The following TMEM132B variants were observed in gnomAD, a reference collection of about 807,000 sequenced individuals.
TMEM132B encodes the protein transmembrane protein 132B.
Under a neutral mutation model 90.8 loss-of-function variants are expected in TMEM132B, and 18 were observed. The observed-to-expected ratio is 0.20, with a 90% CI of 0.14 to 0.29. The LOEUF (loss-of-function observed/expected upper bound fraction) is 0.29, where lower values mean the gene tolerates loss of function less well. TMEM132B is among the 10% of genes least tolerant of loss of function. The pLI is 1.00. For missense variants in TMEM132B, 1,096 were observed against 1,326.8 expected, an observed-to-expected ratio of 0.83 and a Z score of 2.70; for synonymous variants, 504 against 523.3, an observed-to-expected ratio of 0.96 and a Z score of 0.50.
intron 2 of TMEM132B, among the ~76,000 whole-genome samples, chr12:125,373,568 G>A (rs556034566): frequency 1.3e-5 from 2 of 152,112 alleles, no homozygotes; most frequent in South Asian, 4.1e-4. Context: ...TGTTTAAGGC[G>A]CCCCCAGTCT....
At chr12:125,190,388 T>G (rs1593034983) in intron 1 of TMEM132B, among the ~76,000 whole-genome samples, 4 of 100,750 alleles carry the variant, frequency 4.0e-5, no homozygotes, top group African/African-American at 8.0e-5. Context: ...GGGAAAGGGG[T>G]GGTGATGGGG....
intron 5 of TMEM132B, among the ~76,000 whole-genome samples, chr12:125,635,836 G>A (rs570294464): frequency 1.5e-4 from 23 of 152,324 alleles, no homozygotes; most frequent in Admixed American, 4.6e-4. Flanking sequence ...ATGCCAGTTA[G>A]AATGGCGATC....
Position 125,209,112 on chromosome 12 carries a change from G to A in TMEM132B, c.67+22246G>A, listed in dbSNP as rs960197995. Among the ~76,000 whole-genome samples the A allele has an allele frequency of 1.3e-5, 2 of 152,226 alleles. No individual in the cohort carries two copies. Among genetic ancestry groups the A allele is most frequent in the African/African-American group, 4.8e-5 (2 of 41,464 alleles). ...CATGGAGGGGAAGGGATTGTACTCTGATGTGGCTCTTGCCTGGGAAGCGGG... is the reference window on the plus strand; with the variant it reads ...CATGGAGGGGAAGGGATTGTACTCTAATGTGGCTCTTGCCTGGGAAGCGGG... On this transcript the variant is annotated intron_variant, in intron 1 of 8. Coordinates refer to ENST00000682704, the MANE Select transcript of TMEM132B (RefSeq NM_001366854.1). The surrounding 1 kb of genome is among the most constrained non-coding windows in gnomAD (Gnocchi z 4.4).
At chr12:125,417,819 G>A (rs924361418) in intron 3 of TMEM132B, among the ~76,000 whole-genome samples, 22 of 152,186 alleles carry the variant, frequency 1.4e-4, no homozygotes, top group Admixed American at 1.1e-3. Flanking sequence ...CCAGGCACAC[G>A]TCCCAGTGCT....
intron 5 of TMEM132B, among the ~76,000 whole-genome samples, chr12:125,612,478 T>C (rs1395404148): frequency 6.7e-6 from 1 of 149,442 alleles, no homozygotes; most frequent in East Asian, 2.0e-4. Flanking sequence ...AATAAATAAA[T>C]AAACAATAAA....
intron 3 of TMEM132B, among the ~76,000 whole-genome samples, chr12:125,500,347 G>A (rs1882666222): frequency 6.6e-6 from 1 of 152,224 alleles, no homozygotes; most frequent in South Asian, 2.1e-4. Context: ...GGCATTGTAG[G>A]AAGTGCAGCA....
intron 2 of TMEM132B, among the ~76,000 whole-genome samples, chr12:125,356,662 G>C (rs549940125): frequency 1.1e-4 from 16 of 152,326 alleles, no homozygotes; most frequent in African/African-American, 3.1e-4. Flanking sequence ...ATTTTTGCCC[G>C]TGTAGTCTGT....
At chr12:125,546,462 A>G (rs1884097154) in intron 4 of TMEM132B, among the ~76,000 whole-genome samples, 1 of 152,182 alleles carries the variant, frequency 6.6e-6, no homozygotes, top group South Asian at 2.1e-4. Flanking sequence ...GATTACAGGC[A>G]TGAGCCACCA....
At chr12:125,544,829 G>C (rs946996450) in intron 4 of TMEM132B, among the ~76,000 whole-genome samples, 3 of 152,328 alleles carry the variant, frequency 2.0e-5, no homozygotes, top group Admixed American at 2.0e-4. Context: ...TGAATGAATG[G>C]ATGACTTTGC....
chr12:125,531,117 A>G (rs1180727758), intron 4 of TMEM132B, among the ~76,000 whole-genome samples: 24 of 152,204 alleles, frequency 1.6e-4, no homozygotes, highest in Admixed American at 1.6e-3. Context: ...TCTGCTAATC[A>G]GGACAGGACA....
At chr12:125,241,526 A>T (rs1874067540) in intron 1 of TMEM132B, among the ~76,000 whole-genome samples, 1 of 151,992 alleles carries the variant, frequency 6.6e-6, no homozygotes, top group African/African-American at 2.4e-5. Flanking sequence ...TCTGGATGTG[A>T]CTCGTGACTC....
chr12:125,343,092 A>C (rs147909643), intron 1 of TMEM132B, among the ~76,000 whole-genome samples: 29 of 152,164 alleles, frequency 1.9e-4, no homozygotes, highest in African/African-American at 7.0e-4. Flanking sequence ...GCAAACTGGG[A>C]ATTTACAGCA....
chr12:125,517,481 C>T (rs968847830), intron 3 of TMEM132B, among the ~76,000 whole-genome samples: 1 of 151,922 alleles, frequency 6.6e-6, no homozygotes, highest in African/African-American at 2.4e-5. Context: ...CGTGAGCCAC[C>T]ACGCCCGGCC....
intron 5 of TMEM132B, among the ~76,000 whole-genome samples, chr12:125,603,446 TAACTC>T (rs1164981976): frequency 6.6e-6 from 1 of 152,072 alleles, no homozygotes; most frequent in African/African-American, 2.4e-5. Flanking sequence ...ATACAAAAAT[TAACTC>T]AAGATGGATT....
At chr12:125,238,248 G>A (rs561108432) in intron 1 of TMEM132B, among the ~76,000 whole-genome samples, 2 of 151,566 alleles carry the variant, frequency 1.3e-5, no homozygotes, top group Middle Eastern at 3.4e-3. Flanking sequence ...AGCTACTTGG[G>A]AGGCTGAGGC....
chr12:125,269,736 C>T lies in TMEM132B; in HGVS notation c.68-79716C>T, dbSNP rs150194880. On this transcript the variant is annotated intron_variant, in intron 1 of 8. Coordinates refer to ENST00000682704, the MANE Select transcript of TMEM132B (RefSeq NM_001366854.1). Reference sequence around the variant, plus strand: ...AGGGAACTGAGACCTTAAATAACAACGGTTTAAGCAAGACGGAAGTGTATT... The same window carrying T: ...AGGGAACTGAGACCTTAAATAACAATGGTTTAAGCAAGACGGAAGTGTATT... Among the ~76,000 whole-genome samples the T allele has an allele frequency of 2.3e-3, 356 of 152,220 alleles. 2 individuals carry two copies. The highest frequency in any genetic ancestry group is 7.7e-3 in the African/African-American group (320 of 41,526).
At position 125,492,130 on chromosome 12, in the gene TMEM132B, G is replaced by A. The variant is rs1391815901; in HGVS notation, c.1107-27309G>A. ...ATGTCATGGGGATCTGGGTTTCTGG[G>A]GAAGGGTGAGAGTGCCCTGCTGCCC... On this transcript the variant is annotated intron_variant, in intron 3 of 8. Coordinates refer to ENST00000682704, the MANE Select transcript of TMEM132B (RefSeq NM_001366854.1). This position sits in a 1 kb window ranked among gnomAD's most constrained non-coding sequence, Gnocchi z 5.8. Among the ~76,000 whole-genome samples the A allele has an allele frequency of 2.0e-5, 3 of 152,142 alleles. No homozygotes were observed. The highest frequency in any genetic ancestry group is 1.9e-4 in the East Asian group (1 of 5,168).
intron 3 of TMEM132B, among the ~76,000 whole-genome samples, chr12:125,446,557 C>T (rs181681097): frequency 6.6e-6 from 1 of 152,048 alleles, no homozygotes; most frequent in African/African-American, 2.4e-5. Flanking sequence ...TTCTAGACTC[C>T]TTTTTTCTCA....
chr12:125,355,280 A>AT (rs1877729988), intron 2 of TMEM132B, among the ~76,000 whole-genome samples: 1 of 152,180 alleles, frequency 6.6e-6, no homozygotes, highest in Admixed American at 6.5e-5. Context: ...CAGCACTTGC[A>AT]TTAGCAGAGA....
Sources: gnomAD v4.1 joint callset for allele counts (sites outside exome capture counted in the v4.1 genomes callset) on GRCh38, gnomAD v4.1.1 for gene constraint, Gnocchi (gnomAD v3.1) non-coding constraint, MANE v1.5 for transcripts, NCBI Gene and HGNC (gene_info 2026-07-23, HGNC 2026-07-21) for gene names.